The following MAP3K13 variants were observed in gnomAD, a reference collection of about 807,000 sequenced individuals.
MAP3K13 encodes leucine zipper-bearing kinase.
Under a neutral mutation model 104.0 loss-of-function variants are expected in MAP3K13, and 52 were observed. The ratio of observed to expected loss-of-function variants is 0.50; its 90% CI spans 0.40 to 0.63. The LOEUF (loss-of-function observed/expected upper bound fraction) is 0.63. Ranked by LOEUF, MAP3K13 falls within the 20% of genes least tolerant of loss-of-function variation. The pLI, the probability that MAP3K13 is intolerant of heterozygous loss-of-function variation, is 0.00. For synonymous variants in MAP3K13, 394 were observed against 442.2 expected (o/e 0.89, Z 1.37); for missense variants, 914 against 1,218.5 (o/e 0.75, Z 3.72).
At chr3:185,381,571 A>ACAACTG (rs1337419045) in intron 1 of MAP3K13, among the ~76,000 whole-genome samples, 1 of 152,120 alleles carries the variant, frequency 6.6e-6, no homozygotes, top group East Asian at 1.9e-4. Context: ...CCTATTGTAA[A>ACAACTG]CAACTGTCCT....
intron 2 of MAP3K13, among the ~76,000 whole-genome samples, chr3:185,349,395 A>C (rs889568206): frequency 3.9e-5 from 6 of 151,924 alleles, no homozygotes; most frequent in Non-Finnish European, 8.8e-5. Context: ...GCATTCATCC[A>C]CTCAGGATAA....
rs574161460 is a variant in MAP3K13 at position 185,488,060 on chromosome 3, G to A, written c.*5604G>A. 1.3e-5 allele frequency: 2 copies of A among 152,318 alleles called. No homozygotes were observed. Among genetic ancestry groups the A allele is most frequent in the South Asian group, 4.1e-4 (2 of 4,828 alleles). 9.4% of individuals were successfully genotyped at this position (152,318 alleles called of 1,614,324 possible). On this transcript the variant is annotated 3_prime_UTR_variant, in exon 14 of 14. Coordinates refer to ENST00000265026, the MANE Select transcript of MAP3K13 (RefSeq NM_004721.5). The stretch of plus-strand genomic sequence containing the variant: ...TCACTGATGGATCCCATTCCAAAAT[G>A]TCTCTTCATTCACATCATTTAATTC...
At chr3:185,385,869 G>A (rs1338248272) in intron 1 of MAP3K13, among the ~76,000 whole-genome samples, 1 of 152,100 alleles carries the variant, frequency 6.6e-6, no homozygotes, top group African/African-American at 2.4e-5. Context: ...CAGTCGTGGT[G>A]GTGGGTGCCT....
chr3:185,351,054 G>A (rs920175167), intron 2 of MAP3K13, among the ~76,000 whole-genome samples: 14 of 152,146 alleles, frequency 9.2e-5, no homozygotes, highest in South Asian at 4.1e-4. Flanking sequence ...ATAATATTCC[G>A]TGCAGCAACA....
intron 2 of MAP3K13, among the ~76,000 whole-genome samples, chr3:185,353,215 A>G (rs1325292241): frequency 6.6e-6 from 1 of 152,210 alleles, no homozygotes; most frequent in Non-Finnish European, 1.5e-5. Context: ...ACTTCAGCCA[A>G]ATTAAATTTA....
chr3:185,424,776 TTCTATA>T (rs1249819320), intron 1 of MAP3K13, among the ~76,000 whole-genome samples: 2 of 152,218 alleles, frequency 1.3e-5, no homozygotes, highest in Non-Finnish European at 2.9e-5. Flanking sequence ...AACAGTAACG[TTCTATA>T]TCCACAGAAT....
intron 2 of MAP3K13, among the ~76,000 whole-genome samples, chr3:185,294,430 T>C (rs1720849282): frequency 6.6e-6 from 1 of 152,226 alleles, no homozygotes; most frequent in Non-Finnish European, 1.5e-5. Flanking sequence ...TTATTTAAAC[T>C]GTGATAGAAG....
intron 1 of MAP3K13, among the ~76,000 whole-genome samples, chr3:185,396,171 G>A (rs1712406392): frequency 6.6e-6 from 1 of 151,984 alleles, no homozygotes; most frequent in Non-Finnish European, 1.5e-5. Context: ...AGAAGTTCAA[G>A]ACCAGCTTGG....
intron 2 of MAP3K13, among the ~76,000 whole-genome samples, chr3:185,344,698 C>G (rs1235830551): frequency 2.0e-5 from 3 of 152,294 alleles, no homozygotes; most frequent in South Asian, 4.1e-4. Context: ...TTTGCATCCT[C>G]AGTTAGGCCC....
chr3:185,340,429 A>T (rs939041719), intron 2 of MAP3K13, among the ~76,000 whole-genome samples: 2 of 152,202 alleles, frequency 1.3e-5, no homozygotes, highest in African/African-American at 4.8e-5. Flanking sequence ...GTGGCAGGAA[A>T]TGAGGACAGA....
intron 2 of MAP3K13, among the ~76,000 whole-genome samples, chr3:185,335,113 A>G (rs1194553265): frequency 6.6e-5 from 10 of 152,152 alleles, no homozygotes; most frequent in Non-Finnish European, 1.5e-4. Context: ...CCATAATAGT[A>G]CATTAAATAC....
intron 2 of MAP3K13, among the ~76,000 whole-genome samples, chr3:185,291,394 CAA>C (rs955392791): frequency 6.6e-6 from 1 of 152,136 alleles, no homozygotes; most frequent in Admixed American, 6.5e-5. Flanking sequence ...GGGTATTAAT[CAA>C]AGAGATAAGC....
upstream of MAP3K13, among the ~76,000 whole-genome samples, chr3:185,359,332 C>T (rs1460450915): frequency 1.3e-5 from 2 of 152,218 alleles, no homozygotes; most frequent in Admixed American, 1.3e-4. Flanking sequence ...CCACCAGATC[C>T]CTCCCACAAC....
intron 11 of MAP3K13, 182 bp from the exon 12 acceptor site, chr3:185,477,144 T>G: frequency 1.4e-6 from 1 of 690,118 alleles, no homozygotes; most frequent in Non-Finnish European, 2.7e-6. Flanking sequence ...CCATCATAGG[T>G]ACCCTGGAAA....
chr3:185,343,493 G>A (rs1461247847), intron 2 of MAP3K13, among the ~76,000 whole-genome samples: 8 of 152,032 alleles, frequency 5.3e-5, no homozygotes, highest in African/African-American at 1.4e-4. Flanking sequence ...TCGCTCTGTC[G>A]CCAGGCTGGA....
chr3:185,296,679 GTGACTGACACA>G (rs1297989920), intron 2 of MAP3K13, among the ~76,000 whole-genome samples: 4 of 152,204 alleles, frequency 2.6e-5, no homozygotes, highest in African/African-American at 7.2e-5. Context: ...GTTGAGAACA[GTGACTGACACA>G]TGGTGGGCCC....
chr3:185,485,721 T>C lies in MAP3K13; in HGVS notation c.*3265T>C, dbSNP rs1577641318. On this transcript the variant is annotated 3_prime_UTR_variant, in exon 14 of 14. Coordinates refer to ENST00000265026, the MANE Select transcript of MAP3K13 (RefSeq NM_004721.5). Reference sequence around the variant, plus strand: ...TTAAATTTTATCATAGATATGTAAGTATAGAAAAAAAAACATAGTATATAT... The same window carrying C: ...TTAAATTTTATCATAGATATGTAAGCATAGAAAAAAAAACATAGTATATAT... 1 of 151,826 alleles carries C rather than the reference T, an allele frequency of 6.6e-6. No homozygotes were observed. Among genetic ancestry groups the C allele is most frequent in the Admixed American group, 6.6e-5 (1 of 15,254 alleles). 9.4% of individuals were successfully genotyped at this position (151,826 alleles called of 1,614,324 possible).
At chr3:185,403,080 C>G (rs189022701) in intron 1 of MAP3K13, among the ~76,000 whole-genome samples, 2 of 152,122 alleles carry the variant, frequency 1.3e-5, no homozygotes, top group Non-Finnish European at 2.9e-5. Flanking sequence ...TAAGAAAAAC[C>G]GTGCCAAACC....
chr3:185,313,990 A>G (rs1721588158), intron 2 of MAP3K13, among the ~76,000 whole-genome samples: 1 of 152,206 alleles, frequency 6.6e-6, no homozygotes, highest in Non-Finnish European at 1.5e-5. Flanking sequence ...GCCAAGAAAC[A>G]ATGTTTCTCA....
Sources: allele counts gnomAD v4.1 joint callset (sites outside exome capture counted in the v4.1 genomes callset), GRCh38; gene constraint gnomAD v4.1.1; transcripts MANE v1.5; gene names NCBI Gene and HGNC (gene_info 2026-07-23, HGNC 2026-07-21).